Variants in PSD4 observed in about 807,000 individuals in gnomAD.
PSD4 encodes PH and SEC7 domain-containing protein 4.
In PSD4, 59 loss-of-function variants were observed where a neutral mutation model predicts 112.5. The observed-to-expected ratio is 0.52, with a 90% CI of 0.43 to 0.65. The LOEUF (loss-of-function observed/expected upper bound fraction) is 0.65. PSD4 is among the 30% of genes least tolerant of loss of function. PSD4 has a pLI of 0.00. For missense variants in PSD4, 1,267 were observed against 1,352.6 expected, an observed-to-expected ratio of 0.94 and a Z score of 0.99; for synonymous variants, 533 against 540.0, an observed-to-expected ratio of 0.99 and a Z score of 0.18.
chr2:113,182,118 C>G (rs978032511), intron 1 of PSD4, among the ~76,000 whole-genome samples: 2 of 152,232 alleles, frequency 1.3e-5, no homozygotes, highest in South Asian at 4.1e-4. Flanking sequence ...CTTCAGCCAA[C>G]AGATGGGTGT....
At chr2:113,196,482 A>G in intron 12 of PSD4, 175 bp downstream of exon 12, 1 of 792,164 alleles carries the variant, frequency 1.3e-6, no homozygotes, top group South Asian at 2.2e-5. Flanking sequence ...ATGCTGTGTG[A>G]GGCACTAGAG....
At chr2:113,195,877 C>A in intron 11 of PSD4, 107 bp downstream of exon 11, 2 of 1,471,272 alleles carry the variant, frequency 1.4e-6, no homozygotes, top group Non-Finnish European at 1.9e-6. Context: ...GATAGTGCTC[C>A]CCTTGGAGTG....
chr2:113,176,521 C>T (rs1687984402), intron 1 of PSD4, among the ~76,000 whole-genome samples: 1 of 152,190 alleles, frequency 6.6e-6, no homozygotes, highest in African/African-American at 2.4e-5. Context: ...GCTCTCTCTT[C>T]CCCACCTCGG....
chr2:113,198,965 G>T (rs1206350412), intron 15 of PSD4, 81 bp downstream of exon 15: 1 of 1,531,516 alleles, frequency 6.5e-7, no homozygotes. Context: ...GGGGAGGCTG[G>T]AGGCGGGCTG....
chr2:113,179,462 T>C (rs1405763976), intron 1 of PSD4, among the ~76,000 whole-genome samples: 1 of 152,202 alleles, frequency 6.6e-6, no homozygotes, highest in Non-Finnish European at 1.5e-5. Flanking sequence ...GAGAGGGTTC[T>C]TGGATCTCGT....
At chr2:113,190,081 C>T (rs1688406130) in intron 5 of PSD4, among the ~76,000 whole-genome samples, 1 of 152,198 alleles carries the variant, frequency 6.6e-6, no homozygotes, top group African/African-American at 2.4e-5. Flanking sequence ...GTCATGAAAT[C>T]CTTACCTAAG....
rs531876408 is a variant in PSD4, at chr2:113,188,742, G to A, written c.1628+2487G>A. Among the ~76,000 whole-genome samples the A allele has an allele frequency of 7.9e-5, 12 of 152,066 alleles. No homozygotes were observed. In the East Asian group the frequency reaches 1.2e-3, roughly 15 times the overall value. ...ACTACAGGCGCCCGCCACTGCGCCC[G>A]GCTAATTTTTTGTATTTTTAGTAGA... On this transcript the variant is annotated intron_variant, in intron 5 of 16. Transcript: ENST00000245796.
chr2:113,195,336 AT>A (rs1418969155), intron 10 of PSD4, among the ~76,000 whole-genome samples: 1 of 151,770 alleles, frequency 6.6e-6, no homozygotes, highest in Non-Finnish European at 1.5e-5. Flanking sequence ...AATTTTTTGT[AT>A]TTTTAGTAGA....
At position 113,201,430 on chromosome 2, in the gene PSD4, C is replaced by T; in HGVS notation, c.*15C>T. 3 of 1,612,344 alleles carry T rather than the reference C, an allele frequency of 1.9e-6. No individual in the cohort carries two copies. The highest frequency in any genetic ancestry group is 1.1e-5 in the South Asian group (1 of 91,032). On this transcript the variant is annotated 3_prime_UTR_variant, in exon 17 of 17. Coordinates refer to ENST00000245796, the MANE Select transcript of PSD4 (RefSeq NM_012455.3). Reference sequence around the variant, plus strand: ...ATCAGCTGTGAAGCCAGCACCACCTCAGAGACACTGTTCCCTGCTCCAGGG... The same window carrying T: ...ATCAGCTGTGAAGCCAGCACCACCTTAGAGACACTGTTCCCTGCTCCAGGG...
Position 113,197,595 on chromosome 2 carries a change from C to T in PSD4, c.2418C>T (p.Phe806=), listed in dbSNP as rs1363704014. 1 of 1,614,168 alleles carries T rather than the reference C, an allele frequency of 6.2e-7. No homozygotes were observed. Among genetic ancestry groups the T allele is most frequent in the Admixed American group, 1.7e-5 (1 of 60,018 alleles). Reference sequence around the variant, plus strand: ...GGGGCAAGCGTGGCTGGAAGATGTTCCACACCTTACTGCGAGGGATGGTTC... The same window carrying T: ...GGGGCAAGCGTGGCTGGAAGATGTTTCACACCTTACTGCGAGGGATGGTTC... ...TPWGKRGWKM[F]HTLLRGMVLY... The change falls in exon 13 of 17, where the codon TTC becomes TTT. Residue 806 remains phenylalanine (F), a synonymous_variant. Transcript: ENST00000245796.
Position 113,206,215 on chromosome 2 carries a change from C to T in PSD4, c.*4800C>T, listed in dbSNP as rs997675996. The T allele has an allele frequency of 2.0e-5, 3 of 152,338 alleles. No homozygotes were observed. Among genetic ancestry groups the T allele is most frequent in the African/African-American group, 7.2e-5 (3 of 41,472 alleles). The allele number at this position is 152,338 out of a possible 1,614,324, so 9.4% of individuals were successfully genotyped here. ...ACTCTCTTGCTTTCCATAGCTGACC[C>T]TGGCTTCCCTGCTTTCTGTGATGAA... On this transcript the variant is annotated 3_prime_UTR_variant, in exon 17 of 17. Transcript: ENST00000245796.
Position 113,185,008 on chromosome 2 carries a change from T to C in PSD4, c.1108T>C (p.Leu370=), listed in dbSNP as rs1219422380. The part of the protein sequence containing the change: ...PSAAPCVDEA[L]TWESGCVGSD... ...TGCAGCACCGTGTGTGGACGAAGCATTGACCTGGGAATCAGGATGTGTCGG... is the reference window on the plus strand; with the variant it reads ...TGCAGCACCGTGTGTGGACGAAGCACTGACCTGGGAATCAGGATGTGTCGG... Residue 370 remains leucine, a synonymous_variant, in exon 3 of 17, where the codon TTG becomes CTG. Coordinates refer to ENST00000245796, the MANE Select transcript of PSD4 (RefSeq NM_012455.3). 19 of 1,614,136 alleles carry C rather than the reference T, an allele frequency of 1.2e-5. No individual in the cohort carries two copies. Among genetic ancestry groups the C allele is most frequent in the Non-Finnish European group, 1.6e-5 (19 of 1,180,048 alleles).
At chr2:113,195,534 CGGATGGATGGATGGATGGATGGAT>C (rs61576963) in intron 10 of PSD4, among the ~76,000 whole-genome samples, 169 bp from the exon 11 acceptor site, 63,043 of 150,438 alleles carry the variant, frequency 0.42, 14,442 homozygotes, top group East Asian at 0.65. Context: ...CTTTGTTGCA[CGGATGGATGGATGGATGGATGGAT>C]GGATGGATGG....
Position 113,198,901 on chromosome 2 carries a change from G to T in PSD4, c.2769+17G>T. The T allele has an allele frequency of 1.3e-6, 2 of 1,567,174 alleles. No individual in the cohort carries two copies. Among genetic ancestry groups the T allele is most frequent in the Non-Finnish European group, 1.7e-6 (2 of 1,163,624 alleles). ...AGCTCCCTGGTACGGCCTCCGGGAA[G>T]GGGTGGGGTCCGGCGGAACTGGGAA... is the stretch of plus-strand genomic sequence containing the variant. On this transcript the variant is annotated intron_variant, in intron 15 of 16. Coordinates refer to ENST00000245796, the MANE Select transcript of PSD4 (RefSeq NM_012455.3).
intron 6 of PSD4, among the ~76,000 whole-genome samples, 192 bp downstream of exon 6, chr2:113,192,781 A>G (rs1688487022): frequency 6.6e-6 from 1 of 151,596 alleles, no homozygotes; most frequent in South Asian, 2.1e-4. Context: ...CATGCTCTCC[A>G]CACCCTTGGT....
At chr2:113,192,728 C>CA in intron 6 of PSD4, 139 bp downstream of exon 6, 1 of 876,218 alleles carries the variant, frequency 1.1e-6, no homozygotes, top group South Asian at 1.7e-5. Flanking sequence ...ACTTTTCCCC[C>CA]ATACCCTCAC....
At position 113,183,396 on chromosome 2, in the gene PSD4, G is replaced by C. The variant is rs773918520; in HGVS notation, c.940G>C (p.Gly314Arg). 1.3e-6 allele frequency: 2 copies of C among 1,575,032 alleles called. No individual in the cohort carries two copies. The highest frequency in any genetic ancestry group is 1.7e-6 in the Non-Finnish European group (2 of 1,159,778). Residue 314 changes from glycine (G) to arginine (R), a missense_variant, in exon 2 of 17, where the codon GGG becomes CGG. By Grantham distance (125) the Gly-to-Arg change is moderately radical. Coordinates refer to ENST00000245796, the MANE Select transcript of PSD4 (RefSeq NM_012455.3). Reference protein sequence around the residue: ...PDLGDGAAISGHCTPPFPVPI... With the variant: ...PDLGDGAAISRHCTPPFPVPI... ...TTTGGGGGACGGCGCTGCTATCAGT[G>C]GGCATTGTACCCCTCCATTCCCTGT...
chr2:113,197,508 T>C, intron 12 of PSD4, 56 bp from the exon 13 acceptor site: 2 of 1,595,912 alleles, frequency 1.3e-6, no homozygotes, highest in Non-Finnish European at 1.7e-6. Context: ...TGTGTCTGAG[T>C]GTGTCTGGAT....
At chr2:113,185,660 A>G in intron 4 of PSD4, 2 of 1,547,738 alleles carry the variant, frequency 1.3e-6, no homozygotes, top group Non-Finnish European at 1.7e-6. Context: ...TTAATGGTTT[A>G]GCAAAGGTCC....
Sources: allele counts gnomAD v4.1 joint callset (sites outside exome capture counted in the v4.1 genomes callset), GRCh38; gene constraint gnomAD v4.1.1; transcripts MANE v1.5; gene names NCBI Gene and HGNC (gene_info 2026-07-23, HGNC 2026-07-21).